Variants in AUTS2 observed in about 807,000 individuals in gnomAD.
AUTS2 encodes autism susceptibility gene 2 protein.
AUTS2 carries 17 observed loss-of-function variants against 112.4 expected under a neutral mutation model. The observed-to-expected ratio is 0.15, with a 90% CI of 0.10 to 0.23. AUTS2 has a LOEUF of 0.23. AUTS2 is among the 10% of genes least tolerant of loss of function. The pLI, the probability that AUTS2 is intolerant of heterozygous loss-of-function variation, is 1.00. For synonymous variants in AUTS2, 751 were observed against 702.7 expected, an observed-to-expected ratio of 1.07 and a Z score of -1.09; for missense variants, 1,510 against 1,701.6, an observed-to-expected ratio of 0.89 and a Z score of 1.98.
intron 1 of AUTS2, among the ~76,000 whole-genome samples, chr7:69,892,568 C>T (rs555135660): frequency 6.6e-6 from 1 of 152,292 alleles, no homozygotes; most frequent in South Asian, 2.1e-4. Context: ...ACTCACAGAA[C>T]AGTCACTTTA....
intron 4 of AUTS2, among the ~76,000 whole-genome samples, chr7:70,351,663 A>G (rs544140829): frequency 6.6e-6 from 1 of 152,198 alleles, no homozygotes; most frequent in South Asian, 2.1e-4. Flanking sequence ...TTTTCTCCAC[A>G]ACCTTACCAC....
chr7:69,767,259 A>T (rs1788468328), intron 1 of AUTS2, among the ~76,000 whole-genome samples: 2 of 151,270 alleles, frequency 1.3e-5, no homozygotes, highest in East Asian at 3.9e-4. Flanking sequence ...GGCTCACTGC[A>T]GCCTCGACCT....
intron 1 of AUTS2, among the ~76,000 whole-genome samples, chr7:69,634,790 TAGTG>T (rs1794440536): frequency 6.6e-6 from 1 of 152,198 alleles, no homozygotes; most frequent in African/African-American, 2.4e-5. Context: ...GTTTTTCTAA[TAGTG>T]CTGTGTTAGG....
At chr7:69,662,752 G>T (rs1795861780) in intron 1 of AUTS2, among the ~76,000 whole-genome samples, 1 of 152,034 alleles carries the variant, frequency 6.6e-6, no homozygotes, top group African/African-American at 2.4e-5. Flanking sequence ...CACTAGAAAT[G>T]TAGATTTTTC....
chr7:70,735,269 A>G (rs1787710979), intron 6 of AUTS2, among the ~76,000 whole-genome samples: 1 of 152,220 alleles, frequency 6.6e-6, no homozygotes, highest in Admixed American at 6.5e-5. Flanking sequence ...CCTTTCTGAA[A>G]TCAAGAAACA....
chr7:70,381,346 T>C (rs954271232), intron 4 of AUTS2, among the ~76,000 whole-genome samples: 1 of 152,096 alleles, frequency 6.6e-6, no homozygotes, highest in African/African-American at 2.4e-5. Context: ...GTACATACAT[T>C]TGTCAAAACT....
intron 1 of AUTS2, among the ~76,000 whole-genome samples, chr7:69,785,238 T>C (rs1789315961): frequency 6.6e-6 from 1 of 152,224 alleles, no homozygotes; most frequent in South Asian, 2.1e-4. Flanking sequence ...CTCTGAAGTT[T>C]TGAGGGTTTT....
chr7:70,595,360 C>T (rs897069711), intron 5 of AUTS2, among the ~76,000 whole-genome samples: 1 of 151,988 alleles, frequency 6.6e-6, no homozygotes, highest in African/African-American at 2.4e-5. Context: ...AGCTCAGGGG[C>T]GGGGGAGTTT....
chr7:70,320,604 C>T (rs1790210087), intron 4 of AUTS2, among the ~76,000 whole-genome samples: 1 of 152,152 alleles, frequency 6.6e-6, no homozygotes, highest in Admixed American at 6.5e-5. Context: ...GGACCCAGTC[C>T]TTGTTTTCAA....
At chr7:69,925,591 C>T (rs1311528081) in intron 2 of AUTS2, among the ~76,000 whole-genome samples, 2 of 152,150 alleles carry the variant, frequency 1.3e-5, no homozygotes, top group African/African-American at 4.8e-5. Context: ...GACAGGATCT[C>T]ACCCTGTCAT....
rs116225935 is a variant in AUTS2, at chr7:70,632,141, A to G, written c.691-66428A>G. ...GGTCAGTACCCACCGTGGAGGTTGT[A>G]GCAACTCCAGGCTCCAGAGATCCTG... On this transcript the variant is annotated intron_variant, in intron 5 of 18. Coordinates refer to ENST00000342771, the MANE Select transcript of AUTS2 (RefSeq NM_015570.4). Among the ~76,000 whole-genome samples the G allele has an allele frequency of 8.3e-3, 1,258 of 152,176 alleles. 22 individuals are homozygous for G. Among genetic ancestry groups the G allele is most frequent in the African/African-American group, 0.029 (1,195 of 41,510 alleles).
intron 5 of AUTS2, among the ~76,000 whole-genome samples, chr7:70,594,050 A>C (rs1303755322): frequency 6.6e-6 from 1 of 152,218 alleles, no homozygotes; most frequent in East Asian, 1.9e-4. Flanking sequence ...TTGAGATGAC[A>C]GGAGGATGGG....
At chr7:69,915,433 C>T (rs747090244) in intron 2 of AUTS2, among the ~76,000 whole-genome samples, 3 of 152,150 alleles carry the variant, frequency 2.0e-5, no homozygotes, top group African/African-American at 2.4e-5. Flanking sequence ...AATTACCTGG[C>T]GCATTGGTTT....
intron 5 of AUTS2, among the ~76,000 whole-genome samples, chr7:70,598,582 T>C (rs1046268339): frequency 6.6e-6 from 1 of 152,164 alleles, no homozygotes; most frequent in Non-Finnish European, 1.5e-5. Flanking sequence ...GCTGTTGTAA[T>C]AGCTAGATGA....
intron 4 of AUTS2, among the ~76,000 whole-genome samples, chr7:70,359,949 A>C (rs1792184325): frequency 6.6e-6 from 1 of 152,192 alleles, no homozygotes; most frequent in African/African-American, 2.4e-5. Flanking sequence ...GTCAGTTGCC[A>C]CTTATTTTTG....
intron 4 of AUTS2, among the ~76,000 whole-genome samples, chr7:70,400,170 C>G (rs1794266375): frequency 1.3e-5 from 2 of 152,142 alleles, no homozygotes; most frequent in South Asian, 4.1e-4. Flanking sequence ...TGGAAGAACC[C>G]TGGATTTAGA....
chr7:70,712,829 G>A (rs562721972), intron 6 of AUTS2, among the ~76,000 whole-genome samples: 1 of 152,278 alleles, frequency 6.6e-6, no homozygotes, highest in East Asian at 1.9e-4. Flanking sequence ...CTGTCGGCCA[G>A]GCTGGAGTGC....
rs563712910 is a variant in AUTS2, at chr7:70,402,891, C to T, written c.661-32861C>T. Among the ~76,000 whole-genome samples the T allele has an allele frequency of 1.4e-4, 22 of 152,298 alleles. 1 individual carries two copies. The South Asian group carries it at 3.7e-3, about 26-fold the overall frequency. On this transcript the variant is annotated intron_variant, in intron 4 of 18. Transcript: ENST00000342771. Reference sequence around the variant, plus strand: ...GTTTTTCCCCAGTCGTCTGAACACTCATGTACTCCCCTGGATGCACGCAAA... The same window carrying T: ...GTTTTTCCCCAGTCGTCTGAACACTTATGTACTCCCCTGGATGCACGCAAA...
intron 4 of AUTS2, among the ~76,000 whole-genome samples, chr7:70,378,859 C>A (rs996327838): frequency 2.6e-5 from 4 of 152,188 alleles, no homozygotes; most frequent in African/African-American, 9.6e-5. Context: ...TAGTGATGGA[C>A]AGATGTTAAA....
Sources: allele counts gnomAD v4.1 joint callset (sites outside exome capture counted in the v4.1 genomes callset), GRCh38; gene constraint gnomAD v4.1.1; transcripts MANE v1.5; gene names NCBI Gene and HGNC (gene_info 2026-07-23, HGNC 2026-07-21).